ZC3H12C: variants seen among roughly 807,000 people sequenced by gnomAD.
The protein encoded by ZC3H12C is zinc finger CCCH-type containing 12C.
ZC3H12C carries 20 observed loss-of-function variants against 76.3 expected under a neutral mutation model. The ratio of observed to expected loss-of-function variants is 0.26; its 90% CI spans 0.18 to 0.38. ZC3H12C has a LOEUF of 0.38. Among genes scored for constraint, ZC3H12C ranks in the 10% least tolerant of loss-of-function variants. The pLI is 1.00. For missense variants in ZC3H12C, 874 were observed against 1,086.5 expected, an observed-to-expected ratio of 0.80 and a Z score of 2.75; for synonymous variants, 352 against 399.6, an observed-to-expected ratio of 0.88 and a Z score of 1.42.
In ZC3H12C at chr11:110,164,356, A is replaced by G; in HGVS notation, c.1271A>G (p.Tyr424Cys). Residue 424 changes from tyrosine (Y) to cysteine (C), a missense_variant, in exon 6 of 6, where the codon TAT becomes TGT. Coordinates refer to ENST00000278590, the MANE Select transcript of ZC3H12C (RefSeq NM_033390.2). The surrounding 1 kb of genome is among the most constrained non-coding windows in gnomAD (Gnocchi z 5.7). ...QPCPYGKKCT[Y>C]GHKCKYYHPE... The stretch of plus-strand genomic sequence containing the variant: ...CTCTTCTTAGGAAAGAAGTGTACCT[A>G]TGGACACAAGTGCAAATATTACCAT... 1.2e-6 allele frequency: 2 copies of G among 1,611,370 alleles called. No homozygotes were observed. Among genetic ancestry groups the G allele is most frequent in the Non-Finnish European group, 8.5e-7 (1 of 1,178,838 alleles).
chr11:110,152,104 T>G (rs961629877), intron 2 of ZC3H12C, among the ~76,000 whole-genome samples: 4 of 152,182 alleles, frequency 2.6e-5, no homozygotes, highest in African/African-American at 9.7e-5. Context: ...AATGGGAGAC[T>G]TTTTCTTCAA....
chr11:110,129,703 G>C (rs1003963951), intron 1 of ZC3H12C, among the ~76,000 whole-genome samples: 1 of 152,160 alleles, frequency 6.6e-6, no homozygotes. Flanking sequence ...AATGAAAAGG[G>C]AATGTGCGTG....
intron 2 of ZC3H12C, among the ~76,000 whole-genome samples, chr11:110,145,433 T>C (rs1374122334): frequency 6.6e-6 from 1 of 152,234 alleles, no homozygotes. Context: ...AGTTGTCTAG[T>C]TCATAAGGCG....
chr11:110,160,160 G>A (rs955715426), intron 4 of ZC3H12C, among the ~76,000 whole-genome samples: 4 of 152,200 alleles, frequency 2.6e-5, no homozygotes, highest in Admixed American at 6.5e-5. Flanking sequence ...TAAATGGTAT[G>A]TCTCTGTAGG....
At chr11:110,127,590 C>G (rs1861773081) in intron 1 of ZC3H12C, among the ~76,000 whole-genome samples, 1 of 151,874 alleles carries the variant, frequency 6.6e-6, no homozygotes, top group Non-Finnish European at 1.5e-5. Context: ...ATGGTGTTAT[C>G]ATTAGGATCA....
chr11:110,106,812 A>C (rs1861337525), intron 1 of ZC3H12C, among the ~76,000 whole-genome samples: 1 of 152,226 alleles, frequency 6.6e-6, no homozygotes, highest in Non-Finnish European at 1.5e-5. Context: ...ACCTAGTTCC[A>C]ACACTTTTCA....
chr11:110,153,481 C>A (rs961971885), intron 3 of ZC3H12C, among the ~76,000 whole-genome samples: 3 of 152,164 alleles, frequency 2.0e-5, no homozygotes. Flanking sequence ...AGCTACCATG[C>A]CTGTCCAGTT....
Position 110,166,478 on chromosome 11 carries a change from A to G in ZC3H12C, c.*741A>G, listed in dbSNP as rs1382118710. 1 of 152,158 alleles carries G rather than the reference A, an allele frequency of 6.6e-6. No homozygotes were observed. The highest frequency in any genetic ancestry group is 6.5e-5 in the Admixed American group (1 of 15,274). 9.4% of individuals were successfully genotyped at this position (152,158 alleles called of 1,614,324 possible). ...AAGAAAGCAGATGCAATCAATGGAA[A>G]AATGTTTCCATTTTTTAAAAATGAA... On this transcript the variant is annotated 3_prime_UTR_variant, in exon 6 of 6. Transcript: ENST00000278590.
At chr11:110,131,194 C>T (rs1861859418) in intron 1 of ZC3H12C, 1 of 1,019,800 alleles carries the variant, frequency 9.8e-7, no homozygotes, top group Non-Finnish European at 1.5e-6. Flanking sequence ...AAGAAATCAC[C>T]TCCAATGAAA....
chr11:110,147,707 T>G (rs1252318367), intron 2 of ZC3H12C, among the ~76,000 whole-genome samples: 2 of 152,150 alleles, frequency 1.3e-5, no homozygotes, highest in East Asian at 1.9e-4. Flanking sequence ...GTATCCTTAC[T>G]CCTTTTGCCT....
intron 4 of ZC3H12C, among the ~76,000 whole-genome samples, chr11:110,160,848 G>GT (rs1298391884): frequency 6.6e-6 from 1 of 151,894 alleles, no homozygotes; most frequent in Admixed American, 6.6e-5. Context: ...TTGTTTTTTT[G>GT]TTTTTTGAGA....
In ZC3H12C at chr11:110,093,425, G is replaced by T. The variant is rs1379983269; in HGVS notation, c.14G>T (p.Gly5Val). ...GCGGGGCTGGCTATGCCGGGTGGCG[G>T]CTCCCAGGTTTGTCCTCGGGAAGGG... MPGG[G>V]SQEYGVLCIQ... The change falls in exon 1 of 6, where the codon GGC (glycine) becomes GTC (valine). Residue 5 changes from glycine to valine, a missense_variant. Coordinates refer to ENST00000278590, the MANE Select transcript of ZC3H12C (RefSeq NM_033390.2). The T allele has an allele frequency of 8.3e-7, 1 of 1,204,370 alleles. No homozygotes were observed. Among genetic ancestry groups the T allele is most frequent in the Non-Finnish European group, 1.0e-6 (1 of 966,734 alleles). 74.6% of individuals were successfully genotyped at this position (1,204,370 alleles called of 1,614,324 possible). A position where few individuals can be genotyped will look rare whatever the true frequency, so the allele number is the denominator to read the frequency against.
intron 1 of ZC3H12C, among the ~76,000 whole-genome samples, chr11:110,116,338 T>C (rs1476988381): frequency 1.3e-5 from 2 of 152,250 alleles, no homozygotes; most frequent in Non-Finnish European, 2.9e-5. Context: ...TGTTTGGCTT[T>C]TCCAAACTAA....
intron 1 of ZC3H12C, among the ~76,000 whole-genome samples, chr11:110,126,895 A>T (rs1861759262): frequency 6.6e-6 from 1 of 152,140 alleles, no homozygotes; most frequent in South Asian, 2.1e-4. Context: ...TTTTATATAA[A>T]GTTATTTATA....
chr11:110,094,169 T>C (rs1417376493), intron 1 of ZC3H12C, among the ~76,000 whole-genome samples: 1 of 152,230 alleles, frequency 6.6e-6, no homozygotes, highest in Non-Finnish European at 1.5e-5. Flanking sequence ...TACTGATTAC[T>C]CTGTCTGGGG....
intron 1 of ZC3H12C, among the ~76,000 whole-genome samples, chr11:110,121,425 T>G (rs766155281): frequency 2.4e-4 from 37 of 152,192 alleles, no homozygotes; most frequent in Non-Finnish European, 3.4e-4. Flanking sequence ...CAGATTTAAC[T>G]TTTTATAGTA....
At chr11:110,096,118 A>G (rs1218714979) in intron 1 of ZC3H12C, among the ~76,000 whole-genome samples, 1 of 152,216 alleles carries the variant, frequency 6.6e-6, no homozygotes, top group East Asian at 1.9e-4. Context: ...AACAAAACAC[A>G]TGTTATAATC....
At chr11:110,161,789 G>A (rs568239754) in intron 4 of ZC3H12C, among the ~76,000 whole-genome samples, 1 of 152,266 alleles carries the variant, frequency 6.6e-6, no homozygotes, top group African/African-American at 2.4e-5. Flanking sequence ...ATCAAATTAT[G>A]ATACATCTCC....
At chr11:110,098,070 A>T (rs1336309686) in intron 1 of ZC3H12C, among the ~76,000 whole-genome samples, 1 of 152,182 alleles carries the variant, frequency 6.6e-6, no homozygotes, top group African/African-American at 2.4e-5. Context: ...ATCAGGAGGT[A>T]TTTCAGAAGG....
Sources: gnomAD v4.1 joint callset for allele counts (sites outside exome capture counted in the v4.1 genomes callset) on GRCh38, gnomAD v4.1.1 for gene constraint, Gnocchi (gnomAD v3.1) non-coding constraint, MANE v1.5 for transcripts, NCBI Gene and HGNC (gene_info 2026-07-23, HGNC 2026-07-21) for gene names.